Variants in MYOF observed in about 807,000 individuals in gnomAD.
MYOF encodes fer-1-like 3, myoferlin.
MYOF carries 244 observed loss-of-function variants against 284.2 expected under a neutral mutation model. That is an observed-to-expected ratio of 0.86 (90% CI 0.77 to 0.95). The LOEUF is 0.95. Among genes scored for constraint, MYOF ranks in the 40% least tolerant of loss-of-function variants. The pLI is 0.00. For missense variants in MYOF, 2,496 were observed against 2,560.6 expected (o/e 0.97, Z 0.54); for synonymous variants, 904 against 919.7 (o/e 0.98, Z 0.31).
Position 93,313,219 on chromosome 10 carries a change from G to C in MYOF, c.5699-9C>G. ...GTCAAGTTCTAGGAAACCTAGCCAA[G>C]GAAACAACAGTAAGTCCAAATGAGC... On this transcript the variant is annotated splice_polypyrimidine_tract_variant and intron_variant, in intron 50 of 53. Transcript: ENST00000359263. 1 of 1,610,382 alleles carries C rather than the reference G, an allele frequency of 6.2e-7. No individual in the cohort carries two copies. Among genetic ancestry groups the C allele is most frequent in the Non-Finnish European group, 8.5e-7 (1 of 1,178,094 alleles).
At chr10:93,317,429 G>A (rs1286947696) in intron 49 of MYOF, among the ~76,000 whole-genome samples, 1 of 151,954 alleles carries the variant, frequency 6.6e-6, no homozygotes, top group Admixed American at 6.6e-5. Flanking sequence ...TTAAGGCCAG[G>A]AGTTTGAGAC....
chr10:93,415,420 T>C (rs1848076754), intron 5 of MYOF, among the ~76,000 whole-genome samples: 1 of 152,204 alleles, frequency 6.6e-6, no homozygotes, highest in Non-Finnish European at 1.5e-5. Flanking sequence ...ATTTCCAAGA[T>C]ATCTATCCCA....
intron 51 of MYOF, among the ~76,000 whole-genome samples, chr10:93,311,813 GTT>G (rs1455353412): frequency 6.6e-6 from 1 of 152,178 alleles, no homozygotes; most frequent in African/African-American, 2.4e-5. Context: ...CTCCAAGACT[GTT>G]TTTGGAATCG....
chr10:93,338,227 G>T, intron 39 of MYOF: 1 of 457,460 alleles, frequency 2.2e-6, no homozygotes, highest in Non-Finnish European at 4.1e-6. Flanking sequence ...TTATTCTATT[G>T]ACTTCATATT....
chr10:93,381,593 G>C (rs1249916663), intron 19 of MYOF, among the ~76,000 whole-genome samples, 197 bp from the exon 20 acceptor site: 1 of 152,168 alleles, frequency 6.6e-6, no homozygotes, highest in African/African-American at 2.4e-5. Context: ...GTTCCTGGCA[G>C]CATTGATTGA....
At chr10:93,459,206 A>G (rs969320368) in intron 1 of MYOF, among the ~76,000 whole-genome samples, 1 of 151,976 alleles carries the variant, frequency 6.6e-6, no homozygotes, top group Admixed American at 6.6e-5. Flanking sequence ...CCACACTTCC[A>G]TTTTGACCCC....
intron 1 of MYOF, among the ~76,000 whole-genome samples, chr10:93,458,111 T>C (rs1195466465): frequency 6.6e-6 from 1 of 151,766 alleles, no homozygotes; most frequent in African/African-American, 2.4e-5. Flanking sequence ...CCAGCACTTA[T>C]GGAGGCCAAG....
intron 7 of MYOF, 87 bp downstream of exon 7, chr10:93,408,700 A>G: frequency 6.5e-7 from 1 of 1,550,166 alleles, no homozygotes; most frequent in Non-Finnish European, 8.8e-7. Context: ...CTTGGAACTC[A>G]GTGGTGTCTT....
chr10:93,364,330 T>A (rs1845226321), intron 26 of MYOF, among the ~76,000 whole-genome samples: 1 of 152,238 alleles, frequency 6.6e-6, no homozygotes, highest in Non-Finnish European at 1.5e-5. Flanking sequence ...TCCTTCTCAG[T>A]AATGAGGATG....
At chr10:93,324,359 T>A (rs1419429849) in intron 46 of MYOF, 1 of 152,188 alleles carries the variant, frequency 6.6e-6, no homozygotes, top group Non-Finnish European at 1.5e-5. Flanking sequence ...AAGGATGTAT[T>A]TTACTATGAT....
intron 25 of MYOF, among the ~76,000 whole-genome samples, chr10:93,367,506 G>A (rs976042237): frequency 2.6e-5 from 4 of 152,246 alleles, no homozygotes; most frequent in African/African-American, 9.6e-5. Context: ...GCCTGGAGGG[G>A]AGATGAGCTT....
chr10:93,306,940 T>G lies in MYOF; in HGVS notation c.*23A>C. ...GGATTCTCTCATTGCTGGATGACTC[T>G]TGAAATGAAGCCTTTGCCTTTGTTA... On this transcript the variant is annotated 3_prime_UTR_variant, in exon 54 of 54. Transcript: ENST00000359263. 1 of 1,610,448 alleles carries G rather than the reference T, an allele frequency of 6.2e-7. No homozygotes were observed. The highest frequency in any genetic ancestry group is 8.5e-7 in the Non-Finnish European group (1 of 1,177,024).
rs1319946193 is a variant in MYOF, at chr10:93,333,658, T to A, written c.4719+100A>T. The A allele has an allele frequency of 2.8e-6, 4 of 1,442,638 alleles. No individual in the cohort carries two copies. The African/African-American group carries it at 5.6e-5, about 20-fold the overall frequency. The allele number at this position is 1,442,638 out of a possible 1,614,324, so 89.4% of individuals were successfully genotyped here. The stretch of plus-strand genomic sequence containing the variant: ...TTTTGATGGAGTATCTTTCCCCTAG[T>A]GAGATAACAGACGCCCAGAAAGAAA... On this transcript the variant is annotated intron_variant, in intron 42 of 53. Transcript: ENST00000359263.
intron 2 of MYOF, among the ~76,000 whole-genome samples, chr10:93,454,316 GA>G (rs71752292): frequency 0.075 from 11,074 of 148,614 alleles, 1,403 homozygotes; most frequent in East Asian, 0.64. Flanking sequence ...TGAAAGGAAA[GA>G]AAAAAAAAAC....
intron 7 of MYOF, among the ~76,000 whole-genome samples, chr10:93,407,519 A>G (rs1346521399): frequency 6.7e-6 from 1 of 149,284 alleles, no homozygotes; most frequent in Non-Finnish European, 1.5e-5. Flanking sequence ...TGACGAGGTC[A>G]AGAGATCGAG....
At chr10:93,428,622 C>T (rs1467317117) in intron 4 of MYOF, among the ~76,000 whole-genome samples, 4 of 150,828 alleles carry the variant, frequency 2.7e-5, no homozygotes. Context: ...GTGCATTGCC[C>T]TTTTTCCATT....
In MYOF at chr10:93,361,566, AC is replaced by A. The variant is rs768507546; in HGVS notation, c.2869-10del. 6.8e-6 allele frequency: 11 copies of A among 1,614,116 alleles called. No homozygotes were observed. The African/African-American group carries it at 1.3e-4, about 20-fold the overall frequency. ...GCTGCTTTATCGCCGTTCTTACAAA[AC>A]AAAAATAAAAACAAAGAAGAGAGGT... On this transcript the variant is annotated splice_polypyrimidine_tract_variant and intron_variant, in intron 27 of 53. Coordinates refer to ENST00000359263, the MANE Select transcript of MYOF (RefSeq NM_013451.4).
chr10:93,378,713 A>ATATATATATATATATG (rs1338159505), intron 21 of MYOF, among the ~76,000 whole-genome samples: 1,365 of 124,506 alleles, frequency 0.011, 39 homozygotes, highest in East Asian at 0.045. Context: ...ATATATATAT[A>ATATATATATATATATG]TATGTATATA....
At chr10:93,420,623 T>C (rs1367321899) in intron 5 of MYOF, among the ~76,000 whole-genome samples, 1 of 152,218 alleles carries the variant, frequency 6.6e-6, no homozygotes, top group Non-Finnish European at 1.5e-5. Context: ...ATCTTAACTT[T>C]TGTATTCCAG....
Sources: gnomAD v4.1 joint callset for allele counts (sites outside exome capture counted in the v4.1 genomes callset) on GRCh38, gnomAD v4.1.1 for gene constraint, MANE v1.5 for transcripts, NCBI Gene and HGNC (gene_info 2026-07-23, HGNC 2026-07-21) for gene names.